Variants in GNA13 observed in about 807,000 individuals in gnomAD.
The protein encoded by GNA13 is guanine nucleotide-binding protein subunit alpha-13.
A neutral mutation model predicts 33.5 loss-of-function variants in GNA13; 4 were observed. The observed-to-expected ratio is 0.12, with a 90% CI of 0.06 to 0.27. GNA13 has a LOEUF of 0.27. Among genes scored for constraint, GNA13 ranks in the 10% least tolerant of loss-of-function variants. The pLI is 1.00. For missense variants in GNA13, 319 were observed against 487.2 expected (o/e 0.65, Z 3.25); for synonymous variants, 176 against 183.8 (o/e 0.96, Z 0.34).
At chr17:65,015,084 T>C (rs542576360) in intron 3 of GNA13, among the ~76,000 whole-genome samples, 1 of 151,650 alleles carries the variant, frequency 6.6e-6, no homozygotes, top group East Asian at 2.0e-4. Context: ...TCCTGGGCAA[T>C]ATAGCAAGAC....
In GNA13 at chr17:65,053,860, C is replaced by T. The variant is rs1032518610; in HGVS notation, c.284-132G>A. The stretch of plus-strand genomic sequence containing the variant: ...AACCTTCTTCAAAAATGAAGACCAA[C>T]ATCGAAAACAAATGTAACTTCTCAG... On this transcript the variant is annotated intron_variant, in intron 1 of 3. Coordinates refer to ENST00000439174, the MANE Select transcript of GNA13 (RefSeq NM_006572.6). 1.5e-5 allele frequency: 9 copies of T among 616,302 alleles called. No individual in the cohort carries two copies. In the Admixed American group the frequency reaches 2.8e-4, roughly 19 times the overall value. The allele number at this position is 616,302 out of a possible 1,614,324, so 38.2% of individuals were successfully genotyped here.
intron 2 of GNA13, among the ~76,000 whole-genome samples, chr17:65,042,357 CAAAA>C (rs369887415): frequency 8.0e-5 from 5 of 62,274 alleles, no homozygotes; most frequent in Non-Finnish European, 7.3e-5. Flanking sequence ...AACTCCGTCT[CAAAA>C]AAAAAAAAAA....
intron 1 of GNA13, 45 bp downstream of exon 1, chr17:65,056,266 A>ACCCCAAAACCCCCCCCCCCCAACCCCC: frequency 2.8e-6 from 1 of 358,614 alleles, no homozygotes; most frequent in Non-Finnish European, 4.5e-6. Context: ...CCGCCGCCCC[A>ACCCCAAAACCCCCCCCCCCCAACCCCC]GCCCCCCTGC....
chr17:65,042,229 A>G (rs548535009), intron 2 of GNA13, among the ~76,000 whole-genome samples: 3 of 151,950 alleles, frequency 2.0e-5, no homozygotes, highest in South Asian at 4.2e-4. Flanking sequence ...GTGGTGGCAC[A>G]TGCATGTAAT....
At chr17:65,018,124 A>AC (rs1906443597) in intron 3 of GNA13, 129 bp downstream of exon 3, 1 of 215,948 alleles carries the variant, frequency 4.6e-6, no homozygotes, top group Non-Finnish European at 8.8e-6. Context: ...AAAAAAAAAA[A>AC]AAAAAAAAAA....
chr17:65,052,813 G>T (rs948322254), intron 2 of GNA13, among the ~76,000 whole-genome samples: 4 of 152,232 alleles, frequency 2.6e-5, no homozygotes, highest in African/African-American at 9.6e-5. Context: ...CACATTACCT[G>T]AGGTCAGGAG....
chr17:65,027,476 C>A (rs1302190927), intron 2 of GNA13, among the ~76,000 whole-genome samples: 1 of 152,084 alleles, frequency 6.6e-6, no homozygotes, highest in Non-Finnish European at 1.5e-5. Context: ...CTAAGAAAAC[C>A]TTTTGCTTAA....
chr17:65,025,182 G>A lies in GNA13; in HGVS notation c.511-6879C>T, dbSNP rs1598483523. Among the ~76,000 whole-genome samples, 2 of 152,158 alleles carry A rather than the reference G, an allele frequency of 1.3e-5. 1 individual carries two copies. The highest frequency in any genetic ancestry group is 1.3e-4 in the Admixed American group (2 of 15,276). On this transcript the variant is annotated intron_variant, in intron 2 of 3. Coordinates refer to ENST00000439174, the MANE Select transcript of GNA13 (RefSeq NM_006572.6). ...GGGAGTGCTGGGATTACAAGCATGA[G>A]CCACTACACCCAGCTGTAAAAGTGG...
chr17:65,039,514 C>G (rs538916286), intron 2 of GNA13, among the ~76,000 whole-genome samples: 2 of 152,204 alleles, frequency 1.3e-5, no homozygotes, highest in Non-Finnish European at 2.9e-5. Context: ...CACTCCTCCA[C>G]CCTGGCCTGG....
At chr17:65,023,167 G>A (rs1335227957) in intron 2 of GNA13, among the ~76,000 whole-genome samples, 1 of 152,230 alleles carries the variant, frequency 6.6e-6, no homozygotes, top group African/African-American at 2.4e-5. Flanking sequence ...ACTGATGGTG[G>A]TAAAAATGCG....
Position 65,012,405 on chromosome 17 carries a change from ATTC to A in GNA13, c.*1849_*1851del, listed in dbSNP as rs1906223515. 2.3e-5 allele frequency: 5 copies of A among 222,114 alleles called. No homozygotes were observed. The East Asian group carries it at 3.3e-4, about 15-fold the overall frequency. 13.8% of individuals were successfully genotyped at this position (222,114 alleles called of 1,614,324 possible). A position where few individuals can be genotyped will look rare whatever the true frequency, so the allele number is the denominator to read the frequency against. On this transcript the variant is annotated 3_prime_UTR_variant, in exon 4 of 4. Transcript: ENST00000439174. ...CTAATTTTGTGAATTTAAACAATGT[ATTC>A]TTTTTGGCAAGAAGCACTAGATGTA...
chr17:65,056,386 T>G lies in GNA13; in HGVS notation c.208A>C (p.Ile70Leu). 1 of 1,613,436 alleles carries G rather than the reference T, an allele frequency of 6.2e-7. No individual in the cohort carries two copies. ...TGGTCGAAGTCCTGCCCGTGGATGA[T>G]CCGCATCTGCTTCAGGAAGGTGGAC... ...GKSTFLKQMR[I>L]IHGQDFDQRA... Residue 70 changes from isoleucine (I) to leucine (L), a missense_variant, in exon 1 of 4, where the codon ATC becomes CTC. Coordinates refer to ENST00000439174, the MANE Select transcript of GNA13 (RefSeq NM_006572.6).
At chr17:65,032,255 C>G (rs1907078297) in intron 2 of GNA13, among the ~76,000 whole-genome samples, 1 of 152,134 alleles carries the variant, frequency 6.6e-6, no homozygotes, top group African/African-American at 2.4e-5. Context: ...AGTAAAAAGA[C>G]AGAAGGTAAT....
At chr17:65,043,291 AT>A (rs5821633) in intron 2 of GNA13, among the ~76,000 whole-genome samples, 138,199 of 145,810 alleles carry the variant, frequency 0.95, 65,780 homozygotes, top group East Asian at 0.99. Context: ...ATGTTTATTA[AT>A]TTTTTTTTTT....
chr17:65,012,697 A>G lies in GNA13; in HGVS notation c.*1560T>C, dbSNP rs1906237486. On this transcript the variant is annotated 3_prime_UTR_variant, in exon 4 of 4. Transcript: ENST00000439174. ...CAGAACAACAGCCACTGACTTGGAAAGGCTGGGTGATCCATAACGACCAAT... is the reference window on the plus strand; with the variant it reads ...CAGAACAACAGCCACTGACTTGGAAGGGCTGGGTGATCCATAACGACCAAT... 3 of 229,106 alleles carry G rather than the reference A, an allele frequency of 1.3e-5. No homozygotes were observed. Among genetic ancestry groups the G allele is most frequent in the South Asian group, 3.6e-4 (2 of 5,498 alleles). 14.2% of individuals were successfully genotyped at this position (229,106 alleles called of 1,614,324 possible).
At chr17:65,034,503 T>G (rs541868416) in intron 2 of GNA13, among the ~76,000 whole-genome samples, 6 of 152,238 alleles carry the variant, frequency 3.9e-5, no homozygotes, top group Admixed American at 3.9e-4. Flanking sequence ...TTTCACCCTG[T>G]TAGCCAGGAT....
At chr17:65,032,146 C>T (rs1019943714) in intron 2 of GNA13, among the ~76,000 whole-genome samples, 1 of 152,010 alleles carries the variant, frequency 6.6e-6, no homozygotes, top group Non-Finnish European at 1.5e-5. Flanking sequence ...TTTTCAGCAA[C>T]AATTAAATGC....
chr17:65,013,828 T>C lies in GNA13; in HGVS notation c.*429A>G, dbSNP rs1292573577. The stretch of plus-strand genomic sequence containing the variant: ...TCACCATAAAGTTAGGCAACAAGTG[T>C]CACTGCTATATGTAAGGCGGACAGA... On this transcript the variant is annotated 3_prime_UTR_variant, in exon 4 of 4. Coordinates refer to ENST00000439174, the MANE Select transcript of GNA13 (RefSeq NM_006572.6). 1 of 224,112 alleles carries C rather than the reference T, an allele frequency of 4.5e-6. No individual in the cohort carries two copies. Among genetic ancestry groups the C allele is most frequent in the Admixed American group, 5.4e-5 (1 of 18,466 alleles). 13.9% of individuals were successfully genotyped at this position (224,112 alleles called of 1,614,324 possible).
At chr17:65,037,884 T>C (rs1157820542) in intron 2 of GNA13, among the ~76,000 whole-genome samples, 1 of 150,806 alleles carries the variant, frequency 6.6e-6, no homozygotes, top group East Asian at 2.0e-4. Flanking sequence ...TTATACTCAG[T>C]AATTATTTCA....
Sources: gnomAD v4.1 joint callset for allele counts (sites outside exome capture counted in the v4.1 genomes callset) on GRCh38, gnomAD v4.1.1 for gene constraint, MANE v1.5 for transcripts, NCBI Gene and HGNC (gene_info 2026-07-23, HGNC 2026-07-21) for gene names.